RUNX1: variants seen among roughly 807,000 people sequenced by gnomAD.
RUNX1 encodes the protein runt-related transcription factor 1.
A neutral mutation model predicts 42.8 loss-of-function variants in RUNX1; 19 were observed. That is an observed-to-expected ratio of 0.44 (90% confidence interval 0.31 to 0.65). RUNX1 has a LOEUF of 0.65. RUNX1 is among the 30% of genes least tolerant of loss of function. RUNX1 has a pLI of 0.07. For synonymous variants in RUNX1, 271 were observed against 289.4 expected, an observed-to-expected ratio of 0.94 and a Z score of 0.64; for missense variants, 528 against 672.0, an observed-to-expected ratio of 0.79 and a Z score of 2.37.
At chr21:34,811,544 G>A (rs769221019) in intron 7 of RUNX1, among the ~76,000 whole-genome samples, 30 of 152,202 alleles carry the variant, frequency 2.0e-4, no homozygotes, top group Non-Finnish European at 3.5e-4. Flanking sequence ...TTCACTCTAT[G>A]TGATTCCCTG....
chr21:34,799,839 T>C (rs1198514819), intron 7 of RUNX1, among the ~76,000 whole-genome samples: 1 of 152,196 alleles, frequency 6.6e-6, no homozygotes, highest in African/African-American at 2.4e-5. Flanking sequence ...TGCCAATAAT[T>C]ACAATTATCA....
intron 7 of RUNX1, among the ~76,000 whole-genome samples, chr21:34,817,248 C>T (rs1418542109): frequency 6.6e-6 from 1 of 152,184 alleles, no homozygotes; most frequent in African/African-American, 2.4e-5. Context: ...CACCGTCTGT[C>T]ACTCTGCTGC....
At chr21:34,945,180 T>C (rs960452421) in intron 2 of RUNX1, among the ~76,000 whole-genome samples, 2 of 152,234 alleles carry the variant, frequency 1.3e-5, no homozygotes, top group African/African-American at 4.8e-5. Flanking sequence ...AGATATGAAC[T>C]ATAGTATGCA....
chr21:34,845,271 C>T (rs2057299556), intron 6 of RUNX1, among the ~76,000 whole-genome samples: 1 of 152,206 alleles, frequency 6.6e-6, no homozygotes, highest in South Asian at 2.1e-4. Flanking sequence ...TTGGTGACCA[C>T]ATTTGAGCCA....
intron 2 of RUNX1, among the ~76,000 whole-genome samples, chr21:34,977,944 C>T (rs1351332068): frequency 2.7e-5 from 4 of 149,604 alleles, no homozygotes; most frequent in Non-Finnish European, 5.9e-5. Flanking sequence ...TTTTTTGAGA[C>T]GGAGTCTCTC....
chr21:35,047,549 ACACACACACACACTCTCTCTCTCT>A lies in RUNX1; in HGVS notation c.58+1269_58+1292del, dbSNP rs766026622. ...CACACACACACACACACACACACAC[ACACACACACACACTCTCTCTCTCT>A]CTCTCTCTCTCTCTCTCTCTCTCTC... On this transcript the variant is annotated intron_variant, in intron 2 of 8. Transcript: ENST00000675419. Among the ~76,000 whole-genome samples, 1,044 of 107,624 alleles carry A rather than the reference ACACACACACACACTCTCTCTCTCT, an allele frequency of 9.7e-3. 12 individuals are homozygous for A. The highest frequency in any genetic ancestry group is 0.034 in the African/African-American group (877 of 25,960). 70.6% of individuals were successfully genotyped at this position (107,624 alleles called of 152,430 possible).
chr21:35,011,128 T>C (rs1322055192), intron 2 of RUNX1, among the ~76,000 whole-genome samples: 2 of 152,192 alleles, frequency 1.3e-5, no homozygotes, highest in Non-Finnish European at 2.9e-5. Context: ...TTAAAAGTGA[T>C]GTGAATAACA....
chr21:34,861,061 GGAGCA>G (rs1456997939), intron 5 of RUNX1, among the ~76,000 whole-genome samples: 1 of 152,206 alleles, frequency 6.6e-6, no homozygotes, highest in Non-Finnish European at 1.5e-5. Flanking sequence ...TGACTTCCAT[GGAGCA>G]GAGCATCAGG....
intron 2 of RUNX1, among the ~76,000 whole-genome samples, chr21:35,012,465 A>G (rs1382819532): frequency 6.6e-6 from 1 of 152,242 alleles, no homozygotes; most frequent in African/African-American, 2.4e-5. Flanking sequence ...AGATTTTTGT[A>G]TAACTCTCAG....
chr21:35,047,596 C>G lies in RUNX1; in HGVS notation c.58+1246G>C, dbSNP rs2059409441. Among the ~76,000 whole-genome samples, 12 of 146,786 alleles carry G rather than the reference C, an allele frequency of 8.2e-5. No individual in the cohort carries two copies. The South Asian group carries it at 2.4e-3, about 30-fold the overall frequency. ...TCTCTCTCTCTCTCTCTCTCTCTCT[C>G]TCATCAAGTTTTTTAATTTCAGGGA... On this transcript the variant is annotated intron_variant, in intron 2 of 8. Coordinates refer to ENST00000675419, the MANE Select transcript of RUNX1 (RefSeq NM_001754.5).
intron 2 of RUNX1, among the ~76,000 whole-genome samples, chr21:34,915,065 C>T (rs189531711): frequency 4.6e-5 from 7 of 152,226 alleles, no homozygotes; most frequent in South Asian, 2.1e-4. Flanking sequence ...TTTACAGCAC[C>T]GTTATGAGGA....
chr21:34,994,073 G>C (rs2058974550), intron 2 of RUNX1, among the ~76,000 whole-genome samples: 1 of 152,196 alleles, frequency 6.6e-6, no homozygotes, highest in Non-Finnish European at 1.5e-5. Context: ...AGCAACAGAG[G>C]AAAGGTCAGC....
chr21:34,873,090 T>C (rs1393520076), intron 5 of RUNX1, among the ~76,000 whole-genome samples: 4 of 152,230 alleles, frequency 2.6e-5, no homozygotes, highest in South Asian at 2.1e-4. Context: ...TATAGATAGA[T>C]AGAAAGATAG....
chr21:34,963,997 T>C (rs1006082824), intron 2 of RUNX1, among the ~76,000 whole-genome samples: 2 of 152,198 alleles, frequency 1.3e-5, no homozygotes, highest in African/African-American at 4.8e-5. Flanking sequence ...CATTCATTCA[T>C]TCATTCATTC....
rs1051189267 is a variant in RUNX1, at chr21:34,907,500, C to T, written c.59-14537G>A. Among the ~76,000 whole-genome samples, 23 of 152,146 alleles carry T rather than the reference C, an allele frequency of 1.5e-4. No homozygotes were observed. The highest frequency in any genetic ancestry group is 5.1e-4 in the African/African-American group (21 of 41,420). On this transcript the variant is annotated intron_variant, in intron 2 of 8. Coordinates refer to ENST00000675419, the MANE Select transcript of RUNX1 (RefSeq NM_001754.5). The surrounding 1 kb of genome is among the most constrained non-coding windows in gnomAD (Gnocchi z 5.3). ...CCCCTGAGCCCTGGCATACTATTTA[C>T]TTCTTACTGTTTCTTGCTATTCAAA...
chr21:34,993,372 A>C (rs946562842), intron 2 of RUNX1, among the ~76,000 whole-genome samples: 1 of 152,160 alleles, frequency 6.6e-6, no homozygotes, highest in African/African-American at 2.4e-5. Context: ...TCTAGGGGCA[A>C]ACAAAACTGT....
At chr21:34,824,255 A>C (rs2056954990) in intron 7 of RUNX1, among the ~76,000 whole-genome samples, 1 of 152,224 alleles carries the variant, frequency 6.6e-6, no homozygotes. Context: ...TGCTAATCAG[A>C]AATCACCTGA....
At chr21:34,888,239 C>T in intron 3 of RUNX1, 1 of 1,067,096 alleles carries the variant, frequency 9.4e-7, no homozygotes, top group Non-Finnish European at 1.1e-6. Flanking sequence ...ACGAGCGCCG[C>T]GTAACCGCAG....
At chr21:34,860,314 T>A (rs1265247477) in intron 5 of RUNX1, among the ~76,000 whole-genome samples, 1 of 152,244 alleles carries the variant, frequency 6.6e-6, no homozygotes, top group Non-Finnish European at 1.5e-5. Context: ...TCTAAAAACA[T>A]TTCTTGTTGG....
Sources: gnomAD v4.1 joint callset for allele counts (sites outside exome capture counted in the v4.1 genomes callset) on GRCh38, gnomAD v4.1.1 for gene constraint, Gnocchi (gnomAD v3.1) non-coding constraint, MANE v1.5 for transcripts, NCBI Gene and HGNC (gene_info 2026-07-23, HGNC 2026-07-21) for gene names.